The following POGLUT2 variants were observed in gnomAD, a reference collection of about 807,000 sequenced individuals.
The protein encoded by POGLUT2 is ER protein 58.
A neutral mutation model predicts 57.6 loss-of-function variants in POGLUT2; 47 were observed. The ratio of observed to expected loss-of-function variants is 0.82; its 90% CI spans 0.65 to 1.04. The LOEUF (loss-of-function observed/expected upper bound fraction) is 1.04. Among genes scored for constraint, POGLUT2 ranks in the 50% least tolerant of loss-of-function variants. The pLI is 0.00. For synonymous variants in POGLUT2, 200 were observed against 218.8 expected, an observed-to-expected ratio of 0.91 and a Z score of 0.76; for missense variants, 565 against 614.8, an observed-to-expected ratio of 0.92 and a Z score of 0.86.
At chr13:102,788,990 C>A (rs372020295) in intron 7 of POGLUT2, 22 bp downstream of exon 7, 30 of 1,585,794 alleles carry the variant, frequency 1.9e-5, no homozygotes, top group Non-Finnish European at 2.6e-5. Context: ...TGGAAATAAG[C>A]CTTCAAGGGG....
At chr13:102,794,073 A>G (rs1439715944) in intron 2 of POGLUT2, among the ~76,000 whole-genome samples, 1 of 151,940 alleles carries the variant, frequency 6.6e-6, no homozygotes, top group East Asian at 1.9e-4. Flanking sequence ...CCATGTCTCT[A>G]CAAAAAATAA....
Position 102,792,664 on chromosome 13 carries a change from G to C in POGLUT2, c.672+677C>G, listed in dbSNP as rs1878225107. Among the ~76,000 whole-genome samples the C allele has an allele frequency of 2.0e-5, 3 of 152,178 alleles. No individual in the cohort carries two copies. In the South Asian group the frequency reaches 6.2e-4, roughly 32 times the overall value. ...GGGGAGAAGCCCACGTGATGACAGA[G>C]GCAGAGATGGGAGGATGCAGCTGCA... On this transcript the variant is annotated intron_variant, in intron 4 of 9. Transcript: ENST00000376004.
At chr13:102,786,160 T>A (rs556296935) in intron 9 of POGLUT2, 72 bp downstream of exon 9, 1 of 956,912 alleles carries the variant, frequency 1.0e-6, no homozygotes, top group Admixed American at 1.8e-5. Flanking sequence ...TGAATGACTA[T>A]AGGAATAAAA....
chr13:102,797,099 C>A, intron 1 of POGLUT2, 90 bp from the exon 2 acceptor site: 1 of 821,716 alleles, frequency 1.2e-6, no homozygotes. Context: ...CTTGATTATT[C>A]TCCTCCACAT....
intron 1 of POGLUT2, 52 bp downstream of exon 1, chr13:102,798,437 A>G: frequency 6.8e-7 from 1 of 1,472,184 alleles, no homozygotes; most frequent in African/African-American, 1.4e-5. Flanking sequence ...TTAAAGGGAG[A>G]AACAGATTTA....
intron 2 of POGLUT2, among the ~76,000 whole-genome samples, chr13:102,796,230 G>A (rs1381845447): frequency 6.7e-6 from 1 of 150,140 alleles, no homozygotes; most frequent in Non-Finnish European, 1.5e-5. Flanking sequence ...GGAAGGCGGA[G>A]CTTGCAGTGA....
In POGLUT2 at chr13:102,791,416, A is replaced by C; in HGVS notation, c.687T>G (p.Asp229Glu). The change falls in exon 5 of 10, where the codon GAT becomes GAG. Residue 229 changes from aspartate (D) to glutamate (E), a missense_variant. By Grantham distance (45) the Asp-to-Glu change is conservative. Transcript: ENST00000376004. ...LSLTRKVKMP[D>E]VELFVNLGDW... is the part of the protein sequence containing the mutation. ...CTCCCAAATTAACAAAGAGCTCCAC[A>C]TCTGGCATCTTCACCTAGAAAAAAC... 4 of 1,591,054 alleles carry C rather than the reference A, an allele frequency of 2.5e-6. No individual in the cohort carries two copies. The highest frequency in any genetic ancestry group is 3.4e-6 in the Non-Finnish European group (4 of 1,173,752).
chr13:102,795,755 C>T (rs1466631259), intron 2 of POGLUT2, among the ~76,000 whole-genome samples: 1 of 151,994 alleles, frequency 6.6e-6, no homozygotes, highest in Non-Finnish European at 1.5e-5. Context: ...GATACTGTAC[C>T]AGGCTGTACT....
rs377564717 is a variant in POGLUT2 at position 102,796,754 on chromosome 13, T to C, written c.388+50A>G. Reference sequence around the variant, plus strand: ...AGTTGTTTTTGTTGATGGAATAACATATATTATTTTATTCAAATACTGCTG... The same window carrying C: ...AGTTGTTTTTGTTGATGGAATAACACATATTATTTTATTCAAATACTGCTG... On this transcript the variant is annotated intron_variant, in intron 2 of 9. Transcript: ENST00000376004. The C allele has an allele frequency of 3.8e-4, 332 of 866,118 alleles. 1 individual carries two copies. The highest frequency in any genetic ancestry group is 5.7e-4 in the Non-Finnish European group (310 of 540,010). 53.7% of individuals were successfully genotyped at this position (866,118 alleles called of 1,614,324 possible). A position where few individuals can be genotyped will look rare whatever the true frequency, so the allele number is the denominator to read the frequency against.
intron 8 of POGLUT2, 41 bp downstream of exon 8, chr13:102,787,793 T>A (rs751367606): frequency 1.9e-6 from 2 of 1,064,740 alleles, no homozygotes; most frequent in Admixed American, 2.1e-5. Flanking sequence ...TTAACATGTC[T>A]ACTTATAAGT....
chr13:102,788,891 A>G (rs1878058347), intron 7 of POGLUT2, 121 bp downstream of exon 7: 1 of 868,412 alleles, frequency 1.2e-6, no homozygotes, highest in African/African-American at 1.7e-5. Context: ...GCAGCTTCCC[A>G]TTTACAGGCC....
Position 102,793,768 on chromosome 13 carries a change from C to T in POGLUT2, c.427G>A (p.Asp143Asn). The T allele has an allele frequency of 6.2e-7, 1 of 1,614,188 alleles. No individual in the cohort carries two copies. Among genetic ancestry groups the T allele is most frequent in the African/African-American group, 1.3e-5 (1 of 75,032 alleles). ...ATCTCCCGTAGCCAGGCTGCACTAT[C>T]TTGCAGAGGACAGTCACAGTTCTCA... The part of the protein sequence containing the change: ...YHENCDCPLQ[D>N]SAAWLREMNC... The change falls in exon 3 of 10, where the codon GAT (aspartate) becomes AAT (asparagine). Residue 143 changes from aspartate (D) to asparagine (N), a missense_variant. Coordinates refer to ENST00000376004, the MANE Select transcript of POGLUT2 (RefSeq NM_024089.3).
rs755219229 is a variant in POGLUT2 at position 102,791,365 on chromosome 13, G to T, written c.738C>A (p.Ser246=). Residue 246 remains serine (S), a synonymous_variant, in exon 5 of 10, where the codon TCC becomes TCA. Coordinates refer to ENST00000376004, the MANE Select transcript of POGLUT2 (RefSeq NM_024089.3). Reference sequence around the variant, plus strand: ...AAAAGATCGGATGGATGTTTGAATTGGATTTCTTTTTTTCCAAAGGCCAGT... The same window carrying T: ...AAAAGATCGGATGGATGTTTGAATTTGATTTCTTTTTTTCCAAAGGCCAGT... The part of the protein sequence containing the change: ...LGDWPLEKKK[S]NSNIHPIFSW... 3.2e-5 allele frequency: 52 copies of T among 1,612,098 alleles called. No homozygotes were observed. Among genetic ancestry groups the T allele is most frequent in the Middle Eastern group, 1.6e-4 (1 of 6,074 alleles).
At chr13:102,791,177 T>C (rs374269037) in intron 5 of POGLUT2, 39 bp from the exon 6 acceptor site, 144 of 1,609,018 alleles carry the variant, frequency 8.9e-5, no homozygotes, top group Admixed American at 5.3e-4. Context: ...TCCCAAATCA[T>C]CATATCACAA....
chr13:102,793,184 A>T, intron 4 of POGLUT2, 157 bp downstream of exon 4: 1 of 561,972 alleles, frequency 1.8e-6, no homozygotes, highest in Non-Finnish European at 3.2e-6. Flanking sequence ...TAGGAAACAA[A>T]CGCAGGTACC....
intron 4 of POGLUT2, chr13:102,792,046 C>A (rs1223748865): frequency 2.3e-6 from 3 of 1,289,274 alleles, no homozygotes; most frequent in Admixed American, 2.3e-5. Flanking sequence ...TTCTCATTTT[C>A]CCATGGATTG....
At chr13:102,789,745 G>A (rs1475426736) in intron 6 of POGLUT2, among the ~76,000 whole-genome samples, 5 of 152,078 alleles carry the variant, frequency 3.3e-5, no homozygotes, top group East Asian at 3.9e-4. Flanking sequence ...TTAGAGGCAC[G>A]CACCACCACG....
At position 102,791,323 on chromosome 13, in the gene POGLUT2, T is replaced by C. The variant is rs1475784758; in HGVS notation, c.780A>G (p.Thr260=). 1 of 1,611,878 alleles carries C rather than the reference T, an allele frequency of 6.2e-7. No homozygotes were observed. The highest frequency in any genetic ancestry group is 1.3e-5 in the African/African-American group (1 of 74,724). Residue 260 remains threonine, a synonymous_variant, in exon 5 of 10, where the codon ACA becomes ACG. Coordinates refer to ENST00000376004, the MANE Select transcript of POGLUT2 (RefSeq NM_024089.3). ...TAGGCATCACGATATCCTTGGAATC[T>C]GTGGAGCCACACCAGGAAAAGATCG... ...IHPIFSWCGS[T]DSKDIVMPTY... is the part of the protein sequence containing the mutation.
In POGLUT2 at chr13:102,791,898, A is replaced by G. The variant is rs1323818236; in HGVS notation, c.673-468T>C. On this transcript the variant is annotated intron_variant, in intron 4 of 9. Coordinates refer to ENST00000376004, the MANE Select transcript of POGLUT2 (RefSeq NM_024089.3). ...CTTCCTCTACTGGCAAATGGCATGA[A>G]TATGTAAAGAGGATATGTTTTATCT... is the stretch of plus-strand genomic sequence containing the variant. The G allele has an allele frequency of 3.4e-6, 3 of 884,546 alleles. No individual in the cohort carries two copies. The African/African-American group carries it at 5.2e-5, about 15-fold the overall frequency. 54.8% of individuals were successfully genotyped at this position (884,546 alleles called of 1,614,324 possible).
Sources: gnomAD v4.1 joint callset for allele counts (sites outside exome capture counted in the v4.1 genomes callset) on GRCh38, gnomAD v4.1.1 for gene constraint, MANE v1.5 for transcripts, NCBI Gene and HGNC (gene_info 2026-07-23, HGNC 2026-07-21) for gene names.